Variants in CFAP70 observed in about 807,000 individuals in gnomAD.
CFAP70 encodes cilia and flagella associated protein 70.
A neutral mutation model predicts 137.6 loss-of-function variants in CFAP70; 81 were observed. The ratio of observed to expected loss-of-function variants is 0.59; its 90% confidence interval spans 0.49 to 0.71. The LOEUF is 0.71. Among genes scored for constraint, CFAP70 ranks in the 30% least tolerant of loss-of-function variants. The pLI is 0.00. For missense variants in CFAP70, 976 were observed against 1,226.7 expected (o/e 0.80, Z 3.05); for synonymous variants, 382 against 423.6 (o/e 0.90, Z 1.20).
chr10:73,283,278 G>A (rs182604062), intron 19 of CFAP70, among the ~76,000 whole-genome samples: 41 of 152,332 alleles, frequency 2.7e-4, no homozygotes, highest in South Asian at 1.0e-3. Context: ...TCTTGGTGAT[G>A]TTCCATGTGC....
upstream of CFAP70, among the ~76,000 whole-genome samples, chr10:73,361,204 G>C (rs1256137756): frequency 6.6e-6 from 1 of 151,910 alleles, no homozygotes; most frequent in Non-Finnish European, 1.5e-5. Context: ...ATGTTGGCCA[G>C]GCTGGTCTTG....
intron 19 of CFAP70, 36 bp downstream of exon 20, chr10:73,291,190 T>C (rs2048153332): frequency 6.3e-7 from 1 of 1,598,770 alleles, no homozygotes; most frequent in Non-Finnish European, 8.6e-7. Flanking sequence ...GTAATTTTTC[T>C]AATAGCCACT....
At chr10:73,293,460 T>C (rs778680909) in intron 15 of CFAP70, 72 bp from the exon 17 acceptor site, 128 of 1,362,362 alleles carry the variant, frequency 9.4e-5, no homozygotes, top group Non-Finnish European at 1.2e-4. Flanking sequence ...TAAGCATAAA[T>C]CCGATGTGAG....
At chr10:73,293,849 A>C (rs2048345426) in intron 15 of CFAP70, 2 of 152,506 alleles carry the variant, frequency 1.3e-5, no homozygotes, top group Non-Finnish European at 2.9e-5. Flanking sequence ...TAGAAGCCAA[A>C]TCTATAGTTT....
intron 25 of CFAP70, among the ~76,000 whole-genome samples, chr10:73,260,203 A>G (rs2045010446): frequency 6.6e-6 from 1 of 152,064 alleles, no homozygotes; most frequent in Non-Finnish European, 1.5e-5. Context: ...AATAAAATAA[A>G]TTATCCAGGA....
At chr10:73,293,670 C>T (rs2048335501) in intron 15 of CFAP70, 1 of 260,182 alleles carries the variant, frequency 3.8e-6, no homozygotes, top group Non-Finnish European at 7.3e-6. Context: ...ACCCTCAGGG[C>T]ATTCATAGTC....
At chr10:73,334,086 AT>A (rs1277806010) in intron 7 of CFAP70, among the ~76,000 whole-genome samples, 1 of 152,172 alleles carries the variant, frequency 6.6e-6, no homozygotes, top group Admixed American at 6.5e-5. Flanking sequence ...ACAGATATTC[AT>A]TTTTTTAAAG....
chr10:73,361,788 C>T (rs2055019826), upstream of CFAP70, among the ~76,000 whole-genome samples: 1 of 152,030 alleles, frequency 6.6e-6, no homozygotes, highest in African/African-American at 2.4e-5. Flanking sequence ...ATAATACAAT[C>T]AAATGTATTG....
At chr10:73,289,634 T>A (rs1422079876) in intron 19 of CFAP70, among the ~76,000 whole-genome samples, 3 of 152,028 alleles carry the variant, frequency 2.0e-5, no homozygotes, top group Non-Finnish European at 4.4e-5. Flanking sequence ...AACCAAAACC[T>A]GGTTCTTTGA....
chr10:73,311,627 A>G (rs1208792478), intron 11 of CFAP70, among the ~76,000 whole-genome samples: 1 of 152,212 alleles, frequency 6.6e-6, no homozygotes, highest in African/African-American at 2.4e-5. Flanking sequence ...TTAATGCTGG[A>G]AAGGACCTTA....
At chr10:73,351,714 A>G (rs1427438478) in intron 3 of CFAP70, among the ~76,000 whole-genome samples, 3 of 152,236 alleles carry the variant, frequency 2.0e-5, no homozygotes, top group Non-Finnish European at 4.4e-5. Context: ...TACAGGCTTG[A>G]GCCACTGTGC....
rs929713463 is a variant in CFAP70 at position 73,330,900 on chromosome 10, T to C, written c.777+277A>G. On this transcript the variant is annotated intron_variant, in intron 8 of 26. Transcript: ENST00000310715. ...ACTATTGTGAAGGGCCAAAGAGAAATAGGATATCTGGTAATAAAGCCTAGA... is the reference window on the plus strand; with the variant it reads ...ACTATTGTGAAGGGCCAAAGAGAAACAGGATATCTGGTAATAAAGCCTAGA... 9.9e-4 allele frequency among the ~76,000 whole-genome samples: 150 copies of C among 152,108 alleles called. 2 individuals carry two copies. The highest frequency in any genetic ancestry group is 8.7e-4 in the Non-Finnish European group (59 of 68,008).
At chr10:73,264,744 GTTAA>G (rs762963546) in intron 25 of CFAP70, among the ~76,000 whole-genome samples, 4 of 152,132 alleles carry the variant, frequency 2.6e-5, no homozygotes, top group Non-Finnish European at 2.9e-5. Flanking sequence ...AGTACCATGA[GTTAA>G]TTATTTTTCT....
chr10:73,304,402 A>G (rs2049207402), intron 12 of CFAP70, among the ~76,000 whole-genome samples: 1 of 152,190 alleles, frequency 6.6e-6, no homozygotes, highest in Non-Finnish European at 1.5e-5. Context: ...GACTAAATGC[A>G]AAGTTTTTAA....
intron 4 of CFAP70, among the ~76,000 whole-genome samples, chr10:73,345,984 C>G (rs550348142): frequency 6.6e-6 from 1 of 151,566 alleles, no homozygotes; most frequent in African/African-American, 2.4e-5. Context: ...ACTGCAACCC[C>G]GCCTCCTGGG....
chr10:73,346,643 CA>C (rs58096049), intron 4 of CFAP70, among the ~76,000 whole-genome samples: 52 of 138,362 alleles, frequency 3.8e-4, no homozygotes, highest in Non-Finnish European at 3.5e-4. Context: ...AACTCCATCT[CA>C]AAAAAAAAAA....
chr10:73,326,806 A>AC, intron 8 of CFAP70, among the ~76,000 whole-genome samples: 1 of 152,258 alleles, frequency 6.6e-6, no homozygotes, highest in Admixed American at 6.5e-5. Context: ...GAATCTCTGA[A>AC]TAGACCAATA....
upstream of CFAP70, among the ~76,000 whole-genome samples, chr10:73,360,127 C>A (rs1443968676): frequency 6.6e-6 from 1 of 152,132 alleles, no homozygotes; most frequent in Non-Finnish European, 1.5e-5. Flanking sequence ...TCGCATACCA[C>A]CCCGAACATG....
chr10:73,330,466 A>G (rs1200553204), intron 8 of CFAP70, among the ~76,000 whole-genome samples: 1 of 150,720 alleles, frequency 6.6e-6, no homozygotes, highest in Non-Finnish European at 1.5e-5. Flanking sequence ...AAAAAAAAAA[A>G]AGTCCTATGT....
Sources: allele counts gnomAD v4.1 joint callset (sites outside exome capture counted in the v4.1 genomes callset), GRCh38; gene constraint gnomAD v4.1.1; transcripts MANE v1.5; gene names NCBI Gene and HGNC (gene_info 2026-07-23, HGNC 2026-07-21).